Variants in EIF4G3 observed in about 807,000 individuals in gnomAD.
EIF4G3 encodes the protein eIF-4-gamma 3.
EIF4G3 carries 34 observed loss-of-function variants against 186.4 expected under a neutral mutation model. The observed-to-expected ratio is 0.18, with a 90% CI of 0.14 to 0.24. The LOEUF (loss-of-function observed/expected upper bound fraction) is 0.24. Ranked by LOEUF, EIF4G3 falls within the 10% of genes least tolerant of loss-of-function variation. EIF4G3 has a pLI of 1.00. For synonymous variants in EIF4G3, 673 were observed against 679.5 expected (o/e 0.99, Z 0.15); for missense variants, 1,536 against 1,948.5 (o/e 0.79, Z 3.99).
At chr1:21,157,105 A>G (rs1258465293) in intron 2 of EIF4G3, among the ~76,000 whole-genome samples, 1 of 152,130 alleles carries the variant, frequency 6.6e-6, no homozygotes, top group African/African-American at 2.4e-5. Context: ...AGATATCCAA[A>G]GGTTCTCCAA....
chr1:20,818,654 A>T (rs2061606737), intron 33 of EIF4G3, among the ~76,000 whole-genome samples: 1 of 152,206 alleles, frequency 6.6e-6, no homozygotes, highest in Admixed American at 6.5e-5. Context: ...AAGAAAAAAA[A>T]AATCTATAAT....
chr1:21,132,561 A>T, intron 2 of EIF4G3, among the ~76,000 whole-genome samples: 1 of 152,104 alleles, frequency 6.6e-6, no homozygotes, highest in African/African-American at 2.4e-5. Context: ...CAGCCTCCCA[A>T]GTATTATAGC....
intron 2 of EIF4G3, among the ~76,000 whole-genome samples, chr1:21,117,908 C>G (rs1022906588): frequency 3.3e-5 from 5 of 151,850 alleles, no homozygotes; most frequent in Admixed American, 1.3e-4. Context: ...CACAGACCAG[C>G]CAAAAAAAGG....
At chr1:20,867,723 TA>T (rs1177480481) in intron 20 of EIF4G3, among the ~76,000 whole-genome samples, 10 of 152,238 alleles carry the variant, frequency 6.6e-5, no homozygotes, top group African/African-American at 2.4e-4. Context: ...AAAGAAAGGA[TA>T]AAGCAAAGTT....
chr1:20,887,148 T>A (rs921792600), intron 18 of EIF4G3, among the ~76,000 whole-genome samples: 1 of 152,190 alleles, frequency 6.6e-6, no homozygotes, highest in Admixed American at 6.5e-5. Context: ...CAAGCAGACC[T>A]GCTGCATGTT....
intron 2 of EIF4G3, among the ~76,000 whole-genome samples, chr1:21,145,333 A>AC (rs1025966886): frequency 7.3e-5 from 8 of 109,918 alleles, no homozygotes; most frequent in Admixed American, 2.0e-4. Context: ...AAACAAACAA[A>AC]CAAAAAAAAC....
At chr1:20,891,535 G>A (rs1040232541) in intron 18 of EIF4G3, among the ~76,000 whole-genome samples, 4 of 151,726 alleles carry the variant, frequency 2.6e-5, no homozygotes, top group African/African-American at 9.7e-5. Context: ...CACTTTGGGA[G>A]GCCGAGGCGG....
chr1:20,914,415 G>A (rs1437182776), intron 14 of EIF4G3, among the ~76,000 whole-genome samples: 4 of 152,004 alleles, frequency 2.6e-5, no homozygotes, highest in African/African-American at 7.2e-5. Context: ...TGTGTTGCTG[G>A]CTTTGAAGAT....
intron 2 of EIF4G3, among the ~76,000 whole-genome samples, chr1:21,110,074 C>T (rs557334663): frequency 1.6e-4 from 24 of 152,168 alleles, no homozygotes; most frequent in Non-Finnish European, 1.5e-5. Flanking sequence ...AGGCATGAGC[C>T]GCCACACCCG....
intron 32 of EIF4G3, 83 bp from the exon 33 acceptor site, chr1:20,825,281 A>T: frequency 9.0e-7 from 1 of 1,116,098 alleles, no homozygotes; most frequent in Non-Finnish European, 1.3e-6. Flanking sequence ...GATTTGCTTG[A>T]AGTCAAACAG....
chr1:20,810,853 A>G lies in EIF4G3; in HGVS notation c.4629T>C (p.Ala1543=), dbSNP rs773722276. ...ADSSTFRVDT[A]VIKQRVPILL... ...AGATCGGCACTCTCTGCTTGATAAC[A>G]GCAGTGTCCACTCTGAAGGTAGAAG... Residue 1543 remains alanine, a synonymous_variant, in exon 36 of 37, where the codon GCT becomes GCC. Coordinates refer to ENST00000602326, the MANE Select transcript of EIF4G3 (RefSeq NM_001391906.1). The surrounding 1 kb of genome is among the most constrained non-coding windows in gnomAD (Gnocchi z 4.1). 3.7e-6 allele frequency: 6 copies of G among 1,614,156 alleles called. No individual in the cohort carries two copies. In the South Asian group the frequency reaches 5.5e-5, roughly 15 times the overall value.
chr1:21,139,475 T>TA (rs1481174137), intron 2 of EIF4G3, among the ~76,000 whole-genome samples: 1 of 151,938 alleles, frequency 6.6e-6, no homozygotes. Flanking sequence ...AAAAAAAACT[T>TA]AAACAATAGG....
intron 4 of EIF4G3, among the ~76,000 whole-genome samples, chr1:21,023,826 C>T (rs2091441778): frequency 6.9e-6 from 1 of 145,366 alleles, no homozygotes; most frequent in Admixed American, 6.8e-5. Context: ...CGCCTCTTCC[C>T]GGCCGCCATC....
At chr1:20,837,212 C>T (rs1377326582) in intron 30 of EIF4G3, among the ~76,000 whole-genome samples, 1 of 151,878 alleles carries the variant, frequency 6.6e-6, no homozygotes, top group Non-Finnish European at 1.5e-5. Context: ...AGGCTTTCTG[C>T]TTTTCTTTTT....
intron 4 of EIF4G3, among the ~76,000 whole-genome samples, chr1:21,023,786 C>T (rs1479818386): frequency 6.9e-6 from 1 of 144,002 alleles, no homozygotes; most frequent in African/African-American, 2.7e-5. Flanking sequence ...CGTCTCCGCC[C>T]GGCCGCCATC....
At chr1:20,861,273 T>C (rs1434549123) in intron 23 of EIF4G3, among the ~76,000 whole-genome samples, 1 of 152,158 alleles carries the variant, frequency 6.6e-6, no homozygotes, top group African/African-American at 2.4e-5. Flanking sequence ...CTTGATGTAG[T>C]ATATTCCCTG....
At chr1:20,882,168 A>G (rs1265105416) in intron 19 of EIF4G3, among the ~76,000 whole-genome samples, 1 of 125,478 alleles carries the variant, frequency 8.0e-6, no homozygotes, top group African/African-American at 3.0e-5. Context: ...CTCCAAAAAA[A>G]GAAAAATTAC....
At chr1:21,019,990 C>T (rs895172146) in intron 4 of EIF4G3, among the ~76,000 whole-genome samples, 3 of 152,162 alleles carry the variant, frequency 2.0e-5, no homozygotes, top group Non-Finnish European at 4.4e-5. Flanking sequence ...AAAACATTGG[C>T]TCTTCATGTC....
intron 3 of EIF4G3, among the ~76,000 whole-genome samples, chr1:21,085,441 CA>C (rs2095934650): frequency 6.6e-6 from 1 of 152,038 alleles, no homozygotes; most frequent in Non-Finnish European, 1.5e-5. Flanking sequence ...CTCTACTGTC[CA>C]GGCTGGAATT....
Sources: allele counts gnomAD v4.1 joint callset (sites outside exome capture counted in the v4.1 genomes callset), GRCh38; gene constraint gnomAD v4.1.1; non-coding constraint Gnocchi (gnomAD v3.1); transcripts MANE v1.5; gene names NCBI Gene and HGNC (gene_info 2026-07-23, HGNC 2026-07-21).